KDM4C: variants seen among roughly 807,000 people sequenced by gnomAD.
KDM4C encodes the protein lysine-specific demethylase 4C.
Under a neutral mutation model 129.3 loss-of-function variants are expected in KDM4C, and 81 were observed. The ratio of observed to expected loss-of-function variants is 0.63; its 90% CI spans 0.52 to 0.75. KDM4C has a LOEUF of 0.75. Ranked by LOEUF, KDM4C falls within the 30% of genes least tolerant of loss-of-function variation. The pLI, the probability that KDM4C is intolerant of heterozygous loss-of-function variation, is 0.00. For synonymous variants in KDM4C, 573 were observed against 456.1 expected, an observed-to-expected ratio of 1.26 and a Z score of -3.26; for missense variants, 1,457 against 1,304.0, an observed-to-expected ratio of 1.12 and a Z score of -1.81.
chr9:6,968,723 T>C (rs1471901466), intron 8 of KDM4C, among the ~76,000 whole-genome samples: 1 of 152,218 alleles, frequency 6.6e-6, no homozygotes, highest in Non-Finnish European at 1.5e-5. Context: ...TTTGGACCTA[T>C]GTTATTCATT....
At chr9:7,081,551 T>G (rs60485419) in intron 17 of KDM4C, among the ~76,000 whole-genome samples, 16,795 of 152,204 alleles carry the variant, frequency 0.11, 1,219 homozygotes, top group East Asian at 0.2. Flanking sequence ...CCCCATTGAC[T>G]GAAAATGTCT....
chr9:6,816,263 C>G (rs1347899236), intron 4 of KDM4C, among the ~76,000 whole-genome samples: 1 of 152,090 alleles, frequency 6.6e-6, no homozygotes, highest in Non-Finnish European at 1.5e-5. Context: ...AAATATAAAA[C>G]AAGCTAGAAA....
At chr9:6,764,394 G>A (rs1161323979) in intron 1 of KDM4C, among the ~76,000 whole-genome samples, 1 of 152,156 alleles carries the variant, frequency 6.6e-6, no homozygotes, top group Admixed American at 6.6e-5. Flanking sequence ...ATAGTACAAA[G>A]ATTTCCCTTG....
chr9:6,974,241 C>T lies in KDM4C; in HGVS notation c.922-6684C>T, dbSNP rs895657663. ...TAACTTCGTCATTGAAAAAGAAATA[C>T]CTGAAAGACTCTCTAACAAGGAAAT... On this transcript the variant is annotated intron_variant, in intron 8 of 21. Transcript: ENST00000381309. Among the ~76,000 whole-genome samples the T allele has an allele frequency of 2.6e-5, 4 of 152,142 alleles. No individual in the cohort carries two copies. The South Asian group carries it at 8.3e-4, about 32-fold the overall frequency.
At chr9:7,002,039 C>T (rs547456550) in intron 12 of KDM4C, among the ~76,000 whole-genome samples, 2 of 152,062 alleles carry the variant, frequency 1.3e-5, no homozygotes, top group African/African-American at 4.8e-5. Context: ...ACTACAGGCA[C>T]GTACCACCAC....
chr9:6,731,208 G>C (rs1196178652), intron 1 of KDM4C, among the ~76,000 whole-genome samples: 1 of 152,026 alleles, frequency 6.6e-6, no homozygotes, highest in African/African-American at 2.4e-5. Flanking sequence ...CTTATACTGG[G>C]AACGTCATGT....
At chr9:6,737,314 A>C (rs1259778400) in intron 1 of KDM4C, among the ~76,000 whole-genome samples, 1 of 152,074 alleles carries the variant, frequency 6.6e-6, no homozygotes, top group Non-Finnish European at 1.5e-5. Context: ...GAGAATCCAT[A>C]AGGAACTTAA....
At chr9:7,141,738 A>G (rs1841761657) in intron 19 of KDM4C, among the ~76,000 whole-genome samples, 1 of 151,046 alleles carries the variant, frequency 6.6e-6, no homozygotes, top group Non-Finnish European at 1.5e-5. Flanking sequence ...AGCAGTTACC[A>G]TAATTTAGGG....
intron 3 of KDM4C, among the ~76,000 whole-genome samples, chr9:6,812,954 T>A (rs1044709148): frequency 2.0e-5 from 3 of 152,186 alleles, no homozygotes; most frequent in Non-Finnish European, 4.4e-5. Context: ...TGCAGGCGGA[T>A]CACCTGAGGT....
At chr9:6,739,739 G>A (rs1817629228) in intron 1 of KDM4C, among the ~76,000 whole-genome samples, 1 of 149,734 alleles carries the variant, frequency 6.7e-6, no homozygotes, top group Admixed American at 6.7e-5. Flanking sequence ...GCTCACAATT[G>A]TAATCCCAGC....
At chr9:6,985,359 T>G (rs2131852876) in intron 10 of KDM4C, among the ~76,000 whole-genome samples, 1 of 152,368 alleles carries the variant, frequency 6.6e-6, no homozygotes, top group East Asian at 1.9e-4. Flanking sequence ...GCTCTTGAAA[T>G]AGCTGTGTGG....
intron 17 of KDM4C, among the ~76,000 whole-genome samples, chr9:7,081,255 G>A (rs770890528): frequency 3.3e-5 from 5 of 152,176 alleles, no homozygotes; most frequent in African/African-American, 7.2e-5. Flanking sequence ...TAGATATGGG[G>A]TGGACTTCAG....
At chr9:6,873,588 C>T (rs1159043771) in intron 5 of KDM4C, among the ~76,000 whole-genome samples, 1 of 152,240 alleles carries the variant, frequency 6.6e-6, no homozygotes, top group Non-Finnish European at 1.5e-5. Flanking sequence ...TTCTTCACCT[C>T]TCTCAGTCTT....
intron 3 of KDM4C, among the ~76,000 whole-genome samples, chr9:6,813,833 C>A (rs146566391): frequency 1.3e-5 from 2 of 152,216 alleles, no homozygotes; most frequent in African/African-American, 4.8e-5. Context: ...AGTATACACA[C>A]TATTATGTAA....
chr9:6,794,913 G>T (rs1008180794), intron 2 of KDM4C, among the ~76,000 whole-genome samples: 1 of 152,150 alleles, frequency 6.6e-6, no homozygotes, highest in Non-Finnish European at 1.5e-5. Flanking sequence ...TCCAACTTGA[G>T]ATGGTTTGTG....
chr9:7,067,675 G>C (rs957533710), intron 17 of KDM4C, among the ~76,000 whole-genome samples: 2 of 152,096 alleles, frequency 1.3e-5, no homozygotes, highest in African/African-American at 4.8e-5. Flanking sequence ...AGTTACAAAA[G>C]TAACATGCTT....
At chr9:6,938,356 G>T (rs1329146319) in intron 8 of KDM4C, among the ~76,000 whole-genome samples, 2 of 152,138 alleles carry the variant, frequency 1.3e-5, no homozygotes, top group African/African-American at 2.4e-5. Flanking sequence ...GTGCAGCTCA[G>T]TTCTAAACTT....
chr9:6,779,583 G>C (rs1335060367), intron 1 of KDM4C, among the ~76,000 whole-genome samples: 1 of 152,204 alleles, frequency 6.6e-6, no homozygotes, highest in African/African-American at 2.4e-5. Context: ...TGTAGTAGCA[G>C]TGGCAGTTCC....
At chr9:6,970,731 G>GA (rs1258150552) in intron 8 of KDM4C, among the ~76,000 whole-genome samples, 18 of 152,180 alleles carry the variant, frequency 1.2e-4, no homozygotes, top group Admixed American at 1.3e-4. Flanking sequence ...AAGGGAAGGA[G>GA]AAAGTATGAG....
Sources: gnomAD v4.1 joint callset for allele counts (sites outside exome capture counted in the v4.1 genomes callset) on GRCh38, gnomAD v4.1.1 for gene constraint, MANE v1.5 for transcripts, NCBI Gene and HGNC (gene_info 2026-07-23, HGNC 2026-07-21) for gene names.